Variants in AK4 observed in about 807,000 individuals in gnomAD.
The protein encoded by AK4 is adenylate kinase 4, mitochondrial.
AK4 carries 13 observed loss-of-function variants against 24.6 expected under a neutral mutation model. That is an observed-to-expected ratio of 0.53 (90% CI 0.34 to 0.84). The LOEUF (loss-of-function observed/expected upper bound fraction) is 0.84, where lower values mean the gene tolerates loss of function less well. Among genes scored for constraint, AK4 ranks in the 40% least tolerant of loss-of-function variants. AK4 has a pLI of 0.01. For synonymous variants in AK4, 88 were observed against 107.0 expected (o/e 0.82, Z 1.10); for missense variants, 192 against 288.2 (o/e 0.67, Z 2.42).
intron 2 of AK4, among the ~76,000 whole-genome samples, chr1:65,205,067 A>AT (rs1301677646): frequency 6.6e-6 from 1 of 152,152 alleles, no homozygotes; most frequent in South Asian, 2.1e-4. Flanking sequence ...TTTGCTGGAT[A>AT]TTTTTTTCGT....
intron 1 of AK4, among the ~76,000 whole-genome samples, chr1:65,162,358 G>C (rs552225172): frequency 6.6e-6 from 1 of 152,322 alleles, no homozygotes; most frequent in African/African-American, 2.4e-5. Flanking sequence ...AGCACTGTAA[G>C]TGGGGAGGAG....
intron 1 of AK4, among the ~76,000 whole-genome samples, chr1:65,157,918 G>C (rs113673002): frequency 8.7e-4 from 133 of 152,124 alleles, no homozygotes; most frequent in Non-Finnish European, 1.5e-3. Flanking sequence ...GCTGAGTTTT[G>C]ACAAATGAGT....
chr1:65,191,656 G>A (rs945281150), intron 2 of AK4, among the ~76,000 whole-genome samples: 1 of 151,784 alleles, frequency 6.6e-6, no homozygotes, highest in Admixed American at 6.6e-5. Flanking sequence ...ATCCTGGGGT[G>A]GATAGCCTTT....
chr1:65,203,384 C>T (rs1651722529), intron 2 of AK4, among the ~76,000 whole-genome samples: 1 of 152,098 alleles, frequency 6.6e-6, no homozygotes. Flanking sequence ...TTGATACTTA[C>T]ATAGATGTTA....
At chr1:65,178,371 C>T (rs1009365375) in intron 1 of AK4, among the ~76,000 whole-genome samples, 1 of 152,168 alleles carries the variant, frequency 6.6e-6, no homozygotes, top group African/African-American at 2.4e-5. Context: ...TGGTTCTGCC[C>T]ACCGAGCTGT....
intron 2 of AK4, among the ~76,000 whole-genome samples, chr1:65,191,596 A>C (rs1377832395): frequency 6.6e-6 from 1 of 150,404 alleles, no homozygotes; most frequent in East Asian, 2.0e-4. Flanking sequence ...AAGGGGAATG[A>C]GTTATCTTAG....
At chr1:65,204,125 CTG>C (rs1168571022) in intron 2 of AK4, among the ~76,000 whole-genome samples, 3 of 152,096 alleles carry the variant, frequency 2.0e-5, no homozygotes, top group Non-Finnish European at 4.4e-5. Context: ...AGATACCTCT[CTG>C]TGCGCATATG....
intron 1 of AK4, among the ~76,000 whole-genome samples, chr1:65,179,644 A>G (rs938101140): frequency 6.6e-6 from 1 of 151,978 alleles, no homozygotes; most frequent in African/African-American, 2.4e-5. Flanking sequence ...TTTGAGACCA[A>G]CGTGGGTAAC....
At chr1:65,166,310 CTGTGTGTG>C (rs34870729) in intron 1 of AK4, among the ~76,000 whole-genome samples, 5,035 of 143,094 alleles carry the variant, frequency 0.035, 94 homozygotes, top group Middle Eastern at 0.043. Context: ...GGGATTTAAG[CTGTGTGTG>C]TGTGTGTGTG....
chr1:65,189,323 G>C (rs947097893), intron 1 of AK4, among the ~76,000 whole-genome samples: 2 of 138,166 alleles, frequency 1.4e-5, no homozygotes, highest in African/African-American at 5.6e-5. Flanking sequence ...TTGTTGCCCA[G>C]ACTGGAGTGC....
intron 3 of AK4, among the ~76,000 whole-genome samples, chr1:65,223,810 C>T (rs890715116): frequency 6.6e-5 from 10 of 152,010 alleles, no homozygotes; most frequent in African/African-American, 1.7e-4. Context: ...GCCTGACCAA[C>T]GTGGTGAACC....
intron 1 of AK4, 107 bp downstream of exon 1, chr1:65,148,659 GT>G: frequency 4.2e-6 from 6 of 1,416,530 alleles, no homozygotes; most frequent in Non-Finnish European, 5.6e-6. Context: ...CCGCCCGCGT[GT>G]GGTCGTGCAG....
At chr1:65,147,968 C>T (rs567548396), upstream of AK4, 55 of 161,078 alleles carry the variant, frequency 3.4e-4, no homozygotes, top group South Asian at 1.9e-4. Flanking sequence ...CCAGCTTCCC[C>T]GGCTCGGCGG....
intron 1 of AK4, among the ~76,000 whole-genome samples, chr1:65,175,523 G>A (rs1650684922): frequency 6.6e-6 from 1 of 152,130 alleles, no homozygotes; most frequent in South Asian, 2.1e-4. Flanking sequence ...TCACACTCTG[G>A]GCCTTGTGCA....
At chr1:65,189,651 G>A (rs145994718) in intron 1 of AK4, among the ~76,000 whole-genome samples, 16 of 135,440 alleles carry the variant, frequency 1.2e-4, no homozygotes, top group East Asian at 2.6e-4. Context: ...AAACACATAC[G>A]CGTGCACACA....
chr1:65,175,081 G>A (rs2101016296), intron 1 of AK4, among the ~76,000 whole-genome samples: 1 of 152,212 alleles, frequency 6.6e-6, no homozygotes, highest in South Asian at 2.1e-4. Context: ...CAAAATAGTG[G>A]TCATGACCTT....
chr1:65,182,757 T>G (rs1336777140), intron 1 of AK4, among the ~76,000 whole-genome samples: 2 of 152,238 alleles, frequency 1.3e-5, no homozygotes, highest in Non-Finnish European at 2.9e-5. Flanking sequence ...ATTTTAGAGA[T>G]AATCTCTTCA....
chr1:65,155,762 C>T (rs992499280), intron 1 of AK4, among the ~76,000 whole-genome samples: 7 of 151,910 alleles, frequency 4.6e-5, no homozygotes, highest in Admixed American at 3.9e-4. Context: ...CTCCACCTCC[C>T]GGGTTCAAGT....
chr1:65,185,205 A>T (rs6588126), intron 1 of AK4, among the ~76,000 whole-genome samples: 79,082 of 151,854 alleles, frequency 0.52, 24,872 homozygotes, highest in African/African-American at 0.88. Context: ...CACATTTCCA[A>T]GGGCCTGCGA....
Sources: gnomAD v4.1 joint callset for allele counts (sites outside exome capture counted in the v4.1 genomes callset) on GRCh38, gnomAD v4.1.1 for gene constraint, MANE v1.5 for transcripts, NCBI Gene and HGNC (gene_info 2026-07-23, HGNC 2026-07-21) for gene names.